Variants in DIAPH2 observed in about 807,000 individuals in gnomAD.
DIAPH2 encodes diaphanous related formin 2.
A neutral mutation model predicts 92.7 loss-of-function variants in DIAPH2; 35 were observed. That is an observed-to-expected ratio of 0.38 (90% CI 0.29 to 0.50). DIAPH2 has a LOEUF of 0.50. Ranked by LOEUF, DIAPH2 falls within the 20% of genes least tolerant of loss-of-function variation. The pLI is 0.94. For missense variants in DIAPH2, 701 were observed against 819.5 expected (o/e 0.86, Z 1.77); for synonymous variants, 301 against 280.4 (o/e 1.07, Z -0.73).
intron 4 of DIAPH2, among the ~76,000 whole-genome samples, chrX:96,822,084 T>G (rs2064782162): frequency 9.0e-6 from 1 of 110,887 alleles, no homozygotes; most frequent in Non-Finnish European, 1.9e-5. Flanking sequence ...TTGTCTTGAC[T>G]TTTTGAAAGT....
intron 26 of DIAPH2, among the ~76,000 whole-genome samples, chrX:97,467,699 A>G (rs2070525503): frequency 8.9e-6 from 1 of 112,262 alleles, no homozygotes. Context: ...TAATTTGCAT[A>G]TACACTTGTG....
chrX:96,815,017 G>T lies in DIAPH2; in HGVS notation c.447+56759G>T, dbSNP rs748526858. Among the ~76,000 whole-genome samples, 153 of 112,407 alleles carry T rather than the reference G, an allele frequency of 1.4e-3. 1 individual carries two copies. Among genetic ancestry groups the T allele is most frequent in the African/African-American group, 4.6e-3 (143 of 30,987 alleles). On this transcript the variant is annotated intron_variant, in intron 4 of 26. Coordinates refer to ENST00000324765, the MANE Select transcript of DIAPH2 (RefSeq NM_006729.5). Reference sequence around the variant, plus strand: ...ACCCACTTGAGGAGGCAGTCTGTCTGTTCTCAGAGTTCAAACCTCCGTGCT... The same window carrying T: ...ACCCACTTGAGGAGGCAGTCTGTCTTTTCTCAGAGTTCAAACCTCCGTGCT...
chrX:97,025,468 G>A lies in DIAPH2; in HGVS notation c.2051-47473G>A, dbSNP rs191985431. Among the ~76,000 whole-genome samples the A allele has an allele frequency of 4.3e-3, 471 of 109,624 alleles. 2 individuals carry two copies. Among genetic ancestry groups the A allele is most frequent in the African/African-American group, 0.015 (443 of 30,125 alleles). ...AAATTGAGACCATCCTGGCTAACAC[G>A]GTGAAACCCCGTATCTACTAAAAAT... On this transcript the variant is annotated intron_variant, in intron 17 of 26. Transcript: ENST00000324765.
At chrX:97,011,680 G>A (rs1035128109) in intron 17 of DIAPH2, among the ~76,000 whole-genome samples, 3 of 109,854 alleles carry the variant, frequency 2.7e-5, no homozygotes, top group Non-Finnish European at 5.7e-5. Flanking sequence ...TTGAGGTCAG[G>A]AGTTTGAGAC....
At chrX:97,282,298 G>A (rs1429556453) in intron 23 of DIAPH2, among the ~76,000 whole-genome samples, 1 of 111,291 alleles carries the variant, frequency 9.0e-6, no homozygotes, top group African/African-American at 3.3e-5. Context: ...GTTTTGCGTT[G>A]TTTTGTTTTG....
At chrX:97,506,892 T>C (rs1439890541) in intron 26 of DIAPH2, among the ~76,000 whole-genome samples, 1 of 111,703 alleles carries the variant, frequency 9.0e-6, no homozygotes, top group African/African-American at 3.3e-5. Context: ...TTCAATGTGC[T>C]CTTACTAAAG....
At chrX:97,274,766 T>A (rs922353160) in intron 23 of DIAPH2, among the ~76,000 whole-genome samples, 3 of 109,982 alleles carry the variant, frequency 2.7e-5, no homozygotes, top group Non-Finnish European at 5.7e-5. Context: ...AGTCTCTGGT[T>A]TTCCTAGGCA....
chrX:97,281,091 T>C (rs2147600094), intron 23 of DIAPH2, among the ~76,000 whole-genome samples: 1 of 112,276 alleles, frequency 8.9e-6, no homozygotes, highest in Non-Finnish European at 1.9e-5. Flanking sequence ...TTAAACCTAA[T>C]TTCAAGAGTA....
intron 23 of DIAPH2, among the ~76,000 whole-genome samples, chrX:97,281,114 C>A (rs930806426): frequency 4.5e-5 from 5 of 111,796 alleles, no homozygotes; most frequent in African/African-American, 1.3e-4. Context: ...ACTCTTTACG[C>A]CCCTGTAGGA....
intron 4 of DIAPH2, among the ~76,000 whole-genome samples, chrX:96,855,281 A>T (rs1432269396): frequency 9.0e-6 from 1 of 110,623 alleles, no homozygotes; most frequent in East Asian, 2.8e-4. Context: ...ACAAATTACA[A>T]TTGAGAGCCG....
At chrX:96,812,726 G>T (rs1016459309) in intron 4 of DIAPH2, among the ~76,000 whole-genome samples, 19 of 111,735 alleles carry the variant, frequency 1.7e-4, no homozygotes, top group Non-Finnish European at 3.6e-4. Context: ...CTGTGTCTTT[G>T]TTCTTATTGG....
intron 18 of DIAPH2, among the ~76,000 whole-genome samples, chrX:97,074,721 A>G (rs1306685846): frequency 8.9e-6 from 1 of 112,089 alleles, no homozygotes; most frequent in Non-Finnish European, 1.9e-5. Context: ...ATTGCAGAGT[A>G]GATGGATATG....
chrX:97,161,257 T>G lies in DIAPH2; in HGVS notation c.2719+19463T>G, dbSNP rs921019514. 2.7e-5 allele frequency among the ~76,000 whole-genome samples: 3 copies of G among 110,448 alleles called. No homozygotes were observed. In the East Asian group the frequency reaches 8.5e-4, roughly 31 times the overall value. The stretch of plus-strand genomic sequence containing the variant: ...CCTTACTTTTCTCTTCCTTATGATG[T>G]AGATAATACTTGGGTCAATGGTGTT... On this transcript the variant is annotated intron_variant, in intron 22 of 26. Coordinates refer to ENST00000324765, the MANE Select transcript of DIAPH2 (RefSeq NM_006729.5).
At chrX:96,790,061 T>G (rs1379515010) in intron 4 of DIAPH2, among the ~76,000 whole-genome samples, 2 of 109,173 alleles carry the variant, frequency 1.8e-5, no homozygotes, top group Non-Finnish European at 3.8e-5. Flanking sequence ...TTTAATTTCT[T>G]TTTTGTTTTT....
At chrX:96,704,360 G>A (rs2063871803) in intron 1 of DIAPH2, among the ~76,000 whole-genome samples, 1 of 111,805 alleles carries the variant, frequency 8.9e-6, no homozygotes, top group African/African-American at 3.2e-5. Context: ...CTGGCCATAT[G>A]AAAGGCCCTT....
intron 5 of DIAPH2, among the ~76,000 whole-genome samples, chrX:96,909,710 T>A (rs763541991): frequency 1.8e-5 from 2 of 111,597 alleles, no homozygotes; most frequent in Non-Finnish European, 3.8e-5. Context: ...GTCTAGCTTG[T>A]AATAATAGGT....
rs375174949 is a variant in DIAPH2 at position 97,352,610 on chromosome X, C to A, written c.3009+4330C>A. ...ACAGGCCAGGCTCAGTGGCTCAAGCCGGTAATCCCAGCACTTTGGGAGGCC... is the reference window on the plus strand; with the variant it reads ...ACAGGCCAGGCTCAGTGGCTCAAGCAGGTAATCCCAGCACTTTGGGAGGCC... On this transcript the variant is annotated intron_variant, in intron 24 of 26. Transcript: ENST00000324765. Among the ~76,000 whole-genome samples the A allele has an allele frequency of 7.3e-5, 8 of 109,328 alleles. No homozygotes were observed. In the East Asian group the frequency reaches 2.3e-3, roughly 31 times the overall value. 94.9% of individuals were successfully genotyped at this position (109,328 alleles called of 115,157 possible).
At chrX:96,886,164 A>T (rs1477747191) in intron 5 of DIAPH2, among the ~76,000 whole-genome samples, 1 of 110,611 alleles carries the variant, frequency 9.0e-6, no homozygotes, top group Non-Finnish European at 1.9e-5. Flanking sequence ...TTTAGTGTAG[A>T]TTATATAAAT....
intron 9 of DIAPH2, among the ~76,000 whole-genome samples, chrX:96,923,346 A>G (rs1348182983): frequency 8.9e-6 from 1 of 111,970 alleles, no homozygotes; most frequent in Non-Finnish European, 1.9e-5. Flanking sequence ...AGCTGTAAAT[A>G]TGCCCTTTCC....
Sources: gnomAD v4.1 joint callset for allele counts (sites outside exome capture counted in the v4.1 genomes callset) on GRCh38, gnomAD v4.1.1 for gene constraint, MANE v1.5 for transcripts, NCBI Gene and HGNC (gene_info 2026-07-23, HGNC 2026-07-21) for gene names.